LGI1: variants seen among roughly 807,000 people sequenced by gnomAD.
LGI1 encodes the protein leucine-rich glioma-inactivated protein 1.
In LGI1, 11 loss-of-function variants were observed where a neutral mutation model predicts 57.7. The observed-to-expected ratio is 0.19, with a 90% CI of 0.12 to 0.32. LGI1 has a LOEUF of 0.32. Ranked by LOEUF, LGI1 falls within the 10% of genes least tolerant of loss-of-function variation. The probability of loss-of-function intolerance (pLI) is 1.00; values close to 1 mark genes in which losing one functional copy is unlikely to be tolerated. For synonymous variants in LGI1, 222 were observed against 241.9 expected (o/e 0.92, Z 0.76); for missense variants, 422 against 661.9 (o/e 0.64, Z 3.98).
At chr10:93,784,759 G>A (rs1449711792) in intron 4 of LGI1, among the ~76,000 whole-genome samples, 1 of 152,062 alleles carries the variant, frequency 6.6e-6, no homozygotes, top group Non-Finnish European at 1.5e-5. Context: ...TTGGCTAACA[G>A]ATCTTTGCAG....
chr10:93,767,981 A>G (rs1184281427), intron 2 of LGI1: 1 of 152,208 alleles, frequency 6.6e-6, no homozygotes, highest in African/African-American at 2.4e-5. Flanking sequence ...AGGAAGCTCA[A>G]TGATAAAAGA....
At chr10:93,761,881 G>A (rs573381591) in intron 2 of LGI1, among the ~76,000 whole-genome samples, 22 of 152,226 alleles carry the variant, frequency 1.4e-4, no homozygotes, top group African/African-American at 3.4e-4. Flanking sequence ...ACGATTATGC[G>A]TTCTAGCTTG....
intron 2 of LGI1, chr10:93,777,082 G>T: frequency 2.0e-6 from 1 of 507,686 alleles, no homozygotes; most frequent in Non-Finnish European, 3.5e-6. Context: ...GTAAAATGTT[G>T]CTTTGGCTGC....
Position 93,758,035 on chromosome 10 carries a change from C to A in LGI1, c.-110C>A, listed in dbSNP as rs534429348. The A allele has an allele frequency of 6.5e-6, 6 of 929,922 alleles. No homozygotes were observed. The Admixed American group carries it at 1.2e-4, about 18-fold the overall frequency. 57.6% of individuals were successfully genotyped at this position (929,922 alleles called of 1,614,324 possible). On this transcript the variant is annotated 5_prime_UTR_variant, in exon 1 of 8. Transcript: ENST00000371418. The surrounding 1 kb of genome is among the most constrained non-coding windows in gnomAD (Gnocchi z 4.7). ...TCTCTGTTTTGAAAAAGCAGAGATA[C>A]AGAGGCAGAGGAAAAGGGTGGACTC...
intron 2 of LGI1, chr10:93,767,701 T>C (rs1468425367): frequency 6.6e-6 from 1 of 152,170 alleles, no homozygotes; most frequent in Non-Finnish European, 1.5e-5. Context: ...GTGGATTCGT[T>C]GATGTGACCT....
intron 4 of LGI1, 181 bp from the exon 5 acceptor site, chr10:93,789,918 G>A (rs970116395): frequency 7.2e-5 from 45 of 623,494 alleles, no homozygotes; most frequent in Admixed American, 2.3e-4. Context: ...GAAGTGAACA[G>A]GTTAGGAACT....
chr10:93,790,176 A>G lies in LGI1; in HGVS notation c.503+6A>G. ...CTGGATTCTTTAACAAATGTGTAAG[A>G]GGACCTAAGAAATCACTGAACAATT... On this transcript the variant is annotated splice_donor_region_variant and intron_variant, in intron 5 of 7. Coordinates refer to ENST00000371418, the MANE Select transcript of LGI1 (RefSeq NM_005097.4). 1 of 1,601,334 alleles carries G rather than the reference A, an allele frequency of 6.2e-7. No homozygotes were observed. Among genetic ancestry groups the G allele is most frequent in the Non-Finnish European group, 8.5e-7 (1 of 1,171,334 alleles).
intron 4 of LGI1, chr10:93,788,828 G>T (rs1287340433): frequency 6.6e-6 from 1 of 152,124 alleles, no homozygotes; most frequent in African/African-American, 2.4e-5. Context: ...TTTTGAGAAT[G>T]TTTTAAAGGG....
Position 93,758,921 on chromosome 10 carries a change from AATGTGATTCT to A in LGI1, c.287+93_287+102del. 2 of 1,001,160 alleles carry A rather than the reference AATGTGATTCT, an allele frequency of 2.0e-6. No homozygotes were observed. Among genetic ancestry groups the A allele is most frequent in the Non-Finnish European group, 3.1e-6 (2 of 639,030 alleles). The allele number at this position is 1,001,160 out of a possible 1,614,324, so 62.0% of individuals were successfully genotyped here. A position where few individuals can be genotyped will look rare whatever the true frequency, so the allele number is the denominator to read the frequency against. ...AATGATCTCAATATTAATTTTGTCA[AATGTGATTCT>A]ATTTCTGAGAAAACAGAATATCCGT... On this transcript the variant is annotated intron_variant, in intron 2 of 7. Transcript: ENST00000371418. This position sits in a 1 kb window ranked among gnomAD's most constrained non-coding sequence, Gnocchi z 4.7.
chr10:93,781,204 A>G (rs1204795157), intron 4 of LGI1, among the ~76,000 whole-genome samples: 1 of 151,682 alleles, frequency 6.6e-6, no homozygotes, highest in Non-Finnish European at 1.5e-5. Flanking sequence ...TAAAAAATAC[A>G]AAAAATTAGC....
intron 4 of LGI1, chr10:93,778,755 C>G (rs928828398): frequency 6.6e-6 from 1 of 152,192 alleles, no homozygotes; most frequent in Non-Finnish European, 1.5e-5. Flanking sequence ...TCAGCTTTAA[C>G]CTGTTCTCTC....
chr10:93,765,999 A>T (rs1041603261), intron 2 of LGI1, among the ~76,000 whole-genome samples: 4 of 151,884 alleles, frequency 2.6e-5, no homozygotes, highest in African/African-American at 9.7e-5. Context: ...AGAAATGGAC[A>T]AAGATTATTG....
intron 2 of LGI1, among the ~76,000 whole-genome samples, chr10:93,760,799 C>A (rs1474525608): frequency 6.6e-6 from 1 of 152,188 alleles, no homozygotes; most frequent in Non-Finnish European, 1.5e-5. Flanking sequence ...GCCCCATGCT[C>A]CGAGTTCCTA....
chr10:93,774,883 A>G (rs186336439), intron 2 of LGI1, among the ~76,000 whole-genome samples: 1 of 152,328 alleles, frequency 6.6e-6, no homozygotes, highest in Admixed American at 6.5e-5. Flanking sequence ...CTCTGTATAG[A>G]ATATGATGTA....
intron 4 of LGI1, chr10:93,780,234 CTTCCTTCCTTCTTTTA>C (rs2059834567): frequency 6.5e-6 from 1 of 154,038 alleles, no homozygotes; most frequent in Non-Finnish European, 1.5e-5. Context: ...TCCTTTCTTC[CTTCCTTCCTTCTTTTA>C]TTCCTTCCTT....
chr10:93,793,049 A>T, intron 6 of LGI1, 137 bp downstream of exon 6: 2 of 1,132,152 alleles, frequency 1.8e-6, no homozygotes, highest in Non-Finnish European at 2.6e-6. Context: ...TGAACCATTG[A>T]CAATGCTTCA....
chr10:93,796,775 CCACGAGG>C (rs2059983617), intron 7 of LGI1, among the ~76,000 whole-genome samples, 186 bp from the exon 8 acceptor site: 2 of 152,180 alleles, frequency 1.3e-5, no homozygotes, highest in Non-Finnish European at 2.9e-5. Flanking sequence ...CAACAAGGCC[CCACGAGG>C]CACAAAGGCA....
intron 6 of LGI1, 67 bp downstream of exon 6, chr10:93,792,979 A>G: frequency 3.4e-6 from 5 of 1,482,872 alleles, no homozygotes; most frequent in Non-Finnish European, 4.7e-6. Context: ...TTTCATGTGC[A>G]GGAACTGATA....
intron 4 of LGI1, among the ~76,000 whole-genome samples, chr10:93,781,274 G>A (rs1395026774): frequency 6.6e-6 from 1 of 152,112 alleles, no homozygotes; most frequent in Non-Finnish European, 1.5e-5. Context: ...CAGGAGAATG[G>A]CATGAACCCG....
Sources: allele counts gnomAD v4.1 joint callset (sites outside exome capture counted in the v4.1 genomes callset), GRCh38; gene constraint gnomAD v4.1.1; non-coding constraint Gnocchi (gnomAD v3.1); transcripts MANE v1.5; gene names NCBI Gene and HGNC (gene_info 2026-07-23, HGNC 2026-07-21).